RCC1L: variants seen among roughly 807,000 people sequenced by gnomAD.
RCC1L encodes RCC1 like.
In RCC1L, 46 loss-of-function variants were observed where a neutral mutation model predicts 58.6. The ratio of observed to expected loss-of-function variants is 0.79; its 90% CI spans 0.62 to 1.00. The LOEUF is 1.00. RCC1L is among the 50% of genes least tolerant of loss of function. The pLI is 0.00. For synonymous variants in RCC1L, 281 were observed against 262.9 expected, an observed-to-expected ratio of 1.07 and a Z score of -0.67; for missense variants, 636 against 623.6, an observed-to-expected ratio of 1.02 and a Z score of -0.21.
At chr7:75,067,279 G>A (rs587640883) in intron 2 of RCC1L, among the ~76,000 whole-genome samples, 101 of 150,644 alleles carry the variant, frequency 6.7e-4, no homozygotes, top group African/African-American at 2.3e-3. Context: ...TCAGCCTGGG[G>A]GACAAGAGCG....
intron 3 of RCC1L, 39 bp from the exon 4 acceptor site, chr7:75,064,687 T>C (rs587705482): frequency 2.7e-5 from 44 of 1,609,900 alleles, no homozygotes; most frequent in African/African-American, 4.0e-5. Flanking sequence ...TTCTGCAGGT[T>C]TGTGGGATCC....
At chr7:75,047,154 C>T (rs1459685180) in intron 10 of RCC1L, among the ~76,000 whole-genome samples, 1 of 152,082 alleles carries the variant, frequency 6.6e-6, no homozygotes, top group Non-Finnish European at 1.5e-5. Flanking sequence ...GACAGGGTTT[C>T]ACCATGTTGG....
chr7:75,061,350 C>T, intron 5 of RCC1L, 59 bp from the exon 6 acceptor site: 1 of 1,489,854 alleles, frequency 6.7e-7, no homozygotes, highest in East Asian at 2.3e-5. Context: ...CTGGTGTCCT[C>T]ATCCAAAGAA....
intron 3 of RCC1L, among the ~76,000 whole-genome samples, chr7:75,065,367 A>T (rs1806434194): frequency 6.6e-6 from 1 of 151,738 alleles, no homozygotes; most frequent in Non-Finnish European, 1.5e-5. Context: ...CCAGACTGGC[A>T]AACATGGTGA....
downstream of RCC1L, among the ~76,000 whole-genome samples, chr7:75,037,589 C>T (rs1805456706): frequency 6.6e-6 from 1 of 150,878 alleles, no homozygotes; most frequent in African/African-American, 2.4e-5. Flanking sequence ...ACTGCAACCT[C>T]CGCTTCCTGG....
At chr7:75,062,783 A>G (rs1167087333) in intron 5 of RCC1L, among the ~76,000 whole-genome samples, 4 of 151,908 alleles carry the variant, frequency 2.6e-5, no homozygotes. Flanking sequence ...TTCACTCACT[A>G]GAGTGTCATC....
At chr7:75,064,788 A>G (rs1245258204) in intron 3 of RCC1L, 140 bp from the exon 4 acceptor site, 1 of 906,910 alleles carries the variant, frequency 1.1e-6, no homozygotes, top group Non-Finnish European at 1.8e-6. Context: ...TCCTTCTCCA[A>G]CTTTCTCAGG....
chr7:75,037,793 GCCA>G (rs1805461029), downstream of RCC1L, among the ~76,000 whole-genome samples: 1 of 151,674 alleles, frequency 6.6e-6, no homozygotes, highest in Non-Finnish European at 1.5e-5. Context: ...ACAGGCGTGA[GCCA>G]CCACACCTGG....
chr7:75,027,907 C>T (rs1805183127), exon 11 of RCC1L: 1 of 1,072,728 alleles, frequency 9.3e-7, no homozygotes, highest in African/African-American at 1.6e-5. Flanking sequence ...ATCTCCTGGT[C>T]TGCTGGGTGG....
downstream of RCC1L, among the ~76,000 whole-genome samples, chr7:75,039,471 A>T (rs1374950473): frequency 6.6e-6 from 1 of 152,226 alleles, no homozygotes; most frequent in Non-Finnish European, 1.5e-5. Context: ...GAGGTTGACA[A>T]CCTGAGCTTG....
At chr7:75,064,712 T>C in intron 3 of RCC1L, 64 bp from the exon 4 acceptor site, 1 of 1,573,294 alleles carries the variant, frequency 6.4e-7, no homozygotes, top group Non-Finnish European at 8.7e-7. Flanking sequence ...ATGTGAGGAC[T>C]GGAAGGGGTC....
At chr7:75,034,553 C>T (rs984503236) in intron 10 of RCC1L, among the ~76,000 whole-genome samples, 5 of 152,234 alleles carry the variant, frequency 3.3e-5, no homozygotes, top group African/African-American at 7.2e-5. Context: ...ATTGCTCTGA[C>T]GGTTCTTGGC....
Position 75,073,433 on chromosome 7 carries a change from C to A in RCC1L, c.305G>T (p.Arg102Leu), listed in dbSNP as rs1337627360. The A allele has an allele frequency of 6.0e-6, 8 of 1,328,594 alleles. No individual in the cohort carries two copies. In the South Asian group the frequency reaches 7.2e-5, roughly 12 times the overall value. The allele number at this position is 1,328,594 out of a possible 1,614,324, so 82.3% of individuals were successfully genotyped here. The change falls in exon 1 of 11, where the codon CGC becomes CTC. Residue 102 changes from arginine (R) to leucine (L), a missense_variant. Transcript: ENST00000610322. ...PRRRIQPVPYRLELDQKISSA... is the reference protein window; with the variant it reads ...PRRRIQPVPYLLELDQKISSA... ...CTGCACCTTTTGGTCCAGCTCCAGGCGATAGGGCACGGGCTGGATCCTGCG... is the reference window on the plus strand; with the variant it reads ...CTGCACCTTTTGGTCCAGCTCCAGGAGATAGGGCACGGGCTGGATCCTGCG...
rs1040908959 is a variant in RCC1L at position 75,028,238 on chromosome 7, G to A, written c.1318-159C>T. ...TGGGTTCAAGCGAGTCTCCTACATT[G>A]GCCTCCCAAGTAGGTGAGATTACAG... On this transcript the variant is annotated intron_variant, in intron 10 of 10. Coordinates refer to the RCC1L transcript ENST00000614461. Among the ~76,000 whole-genome samples, 389 of 150,588 alleles carry A rather than the reference G, an allele frequency of 2.6e-3. 5 individuals carry two copies. Among genetic ancestry groups the A allele is most frequent in the African/African-American group, 9.0e-3 (369 of 40,928 alleles).
At position 75,056,800 on chromosome 7, in the gene RCC1L, A is replaced by G. The variant is rs926200039; in HGVS notation, c.1058-726T>C. 5 of 1,373,200 alleles carry G rather than the reference A, an allele frequency of 3.6e-6. No individual in the cohort carries two copies. In the South Asian group the frequency reaches 3.7e-5, roughly 10 times the overall value. 85.1% of individuals were successfully genotyped at this position (1,373,200 alleles called of 1,614,324 possible). On this transcript the variant is annotated intron_variant, in intron 8 of 10. Coordinates refer to ENST00000610322, the MANE Select transcript of RCC1L (RefSeq NM_030798.5). The stretch of plus-strand genomic sequence containing the variant: ...CCCTGTAATGCCATCTTCTAATCCA[A>G]TGCCATCTTCCCATGGCCATAGTCC...
chr7:75,066,724 G>A lies in RCC1L; in HGVS notation c.523C>T (p.Arg175Trp), dbSNP rs587665424. The change falls in exon 3 of 11, where the codon CGG (arginine) becomes TGG (tryptophan). Residue 175 changes from arginine (R) to tryptophan (W), a missense_variant. Coordinates refer to ENST00000610322, the MANE Select transcript of RCC1L (RefSeq NM_030798.5). Reference protein sequence around the residue: ...SLPLDRPQETRVLQVSCGRAH... With the variant: ...SLPLDRPQETWVLQVSCGRAH... ...CGGCCGCAGGAGACCTGCAGCACCC[G>A]TGTCTCCTGAGGTCTGTCCAGAGGC... The A allele has an allele frequency of 1.5e-5, 24 of 1,613,554 alleles. No individual in the cohort carries two copies. Among genetic ancestry groups the A allele is most frequent in the Admixed American group, 8.3e-5 (5 of 59,964 alleles).
rs974615713 is a variant in RCC1L, at chr7:75,042,752, G to A, written c.*280C>T. 23 of 1,373,236 alleles carry A rather than the reference G, an allele frequency of 1.7e-5. No individual in the cohort carries two copies. Among genetic ancestry groups the A allele is most frequent in the African/African-American group, 1.6e-4 (11 of 68,316 alleles). The allele number at this position is 1,373,236 out of a possible 1,614,324, so 85.1% of individuals were successfully genotyped here. Reference sequence around the variant, plus strand: ...GCGAGACGTGACACCAGACACCGTCGCATGTTACTTGGAGAGAACAGAGAC... The same window carrying A: ...GCGAGACGTGACACCAGACACCGTCACATGTTACTTGGAGAGAACAGAGAC... On this transcript the variant is annotated 3_prime_UTR_variant, in exon 11 of 11. Transcript: ENST00000610322.
In RCC1L at chr7:75,042,539, T is replaced by C; in HGVS notation, c.*493A>G. 1 of 994,184 alleles carries C rather than the reference T, an allele frequency of 1.0e-6. No individual in the cohort carries two copies. Among genetic ancestry groups the C allele is most frequent in the African/African-American group, 1.7e-5 (1 of 57,434 alleles). 61.6% of individuals were successfully genotyped at this position (994,184 alleles called of 1,614,324 possible). ...TGTGGCAGGCGGCCAGGAAGGGCCA[T>C]GAGCAGGGTGGCCTGAATGAAAACC... On this transcript the variant is annotated 3_prime_UTR_variant, in exon 11 of 11. Transcript: ENST00000610322.
downstream of RCC1L, among the ~76,000 whole-genome samples, chr7:75,040,845 C>CTAGA (rs1805538077): frequency 6.6e-6 from 1 of 152,162 alleles, no homozygotes; most frequent in Non-Finnish European, 1.5e-5. Flanking sequence ...GGCCCCTCCC[C>CTAGA]TAGATATCTG....
Sources: gnomAD v4.1 joint callset for allele counts (sites outside exome capture counted in the v4.1 genomes callset) on GRCh38, gnomAD v4.1.1 for gene constraint, MANE v1.5 for transcripts, NCBI Gene and HGNC (gene_info 2026-07-23, HGNC 2026-07-21) for gene names.